GRM7: variants seen among roughly 807,000 people sequenced by gnomAD.
GRM7 encodes the protein metabotropic glutamate receptor 7.
Under a neutral mutation model 84.5 loss-of-function variants are expected in GRM7, and 35 were observed. The observed-to-expected ratio is 0.41, with a 90% CI of 0.32 to 0.55. GRM7 has a LOEUF of 0.55. Ranked by LOEUF, GRM7 falls within the 20% of genes least tolerant of loss-of-function variation. The pLI, the probability that GRM7 is intolerant of heterozygous loss-of-function variation, is 0.19. For synonymous variants in GRM7, 487 were observed against 455.1 expected, an observed-to-expected ratio of 1.07 and a Z score of -0.89; for missense variants, 1,003 against 1,194.6, an observed-to-expected ratio of 0.84 and a Z score of 2.36.
chr3:7,669,498 T>C (rs142237533), intron 8 of GRM7, among the ~76,000 whole-genome samples: 33 of 152,248 alleles, frequency 2.2e-4, no homozygotes, highest in African/African-American at 7.5e-4. Context: ...ATTATCTTCA[T>C]CCAAAGTGTG....
intron 2 of GRM7, among the ~76,000 whole-genome samples, chr3:7,260,249 GTTGATAGTTTATT>G (rs1294402291): frequency 3.3e-5 from 5 of 151,888 alleles, no homozygotes; most frequent in African/African-American, 1.2e-4. Context: ...TGTTTACTCT[GTTGATAGTTTATT>G]TTGCTGTGTA....
intron 4 of GRM7, among the ~76,000 whole-genome samples, chr3:7,379,419 C>T (rs1694495603): frequency 6.6e-6 from 1 of 152,104 alleles, no homozygotes. Context: ...CAAGCGACAT[C>T]ATAACCACCT....
At chr3:7,693,685 T>A in intron 9 of GRM7, 1 of 1,522,222 alleles carries the variant, frequency 6.6e-7, no homozygotes. Flanking sequence ...GTCAAGCGAT[T>A]GTCTGAGGCA....
chr3:6,872,823 A>G (rs1361197564), intron 1 of GRM7, among the ~76,000 whole-genome samples: 2 of 152,158 alleles, frequency 1.3e-5, no homozygotes, highest in Non-Finnish European at 2.9e-5. Context: ...ATAGTATTCC[A>G]TAGTGTATAT....
At chr3:7,431,276 C>G (rs1278193237) in intron 5 of GRM7, among the ~76,000 whole-genome samples, 1 of 152,094 alleles carries the variant, frequency 6.6e-6, no homozygotes, top group East Asian at 1.9e-4. Context: ...GAATAAATCT[C>G]AAAAATTTTT....
chr3:7,224,445 T>G (rs905573529), intron 2 of GRM7, among the ~76,000 whole-genome samples: 1 of 152,164 alleles, frequency 6.6e-6, no homozygotes, highest in East Asian at 1.9e-4. Context: ...GGGATTACAG[T>G]TGAACATGAG....
At chr3:7,376,363 TCTC>T (rs1402113627) in intron 4 of GRM7, among the ~76,000 whole-genome samples, 2 of 152,152 alleles carry the variant, frequency 1.3e-5, no homozygotes, top group African/African-American at 4.8e-5. Flanking sequence ...ACCGAGCTGT[TCTC>T]CTCGTGAATG....
chr3:7,181,572 T>C (rs1695337965), intron 2 of GRM7, among the ~76,000 whole-genome samples: 1 of 152,170 alleles, frequency 6.6e-6, no homozygotes, highest in African/African-American at 2.4e-5. Flanking sequence ...CAAAATAATA[T>C]TTTAGAAACA....
intron 1 of GRM7, among the ~76,000 whole-genome samples, chr3:7,033,147 T>C (rs950034968): frequency 2.0e-5 from 3 of 152,186 alleles, no homozygotes; most frequent in Admixed American, 1.3e-4. Context: ...CAATTTCTGC[T>C]TCTGTCTTCA....
rs1051383229 is a variant in GRM7, at chr3:7,497,173, G to C, written c.1515+35451G>C. 4.6e-5 allele frequency among the ~76,000 whole-genome samples: 7 copies of C among 151,994 alleles called. No homozygotes were observed. The East Asian group carries it at 9.7e-4, about 21-fold the overall frequency. ...GAAGTGGCCATCATGATTAGGGCCAGGCTTTGGAAGTCTGAGAGCCCTGGA... is the reference window on the plus strand; with the variant it reads ...GAAGTGGCCATCATGATTAGGGCCACGCTTTGGAAGTCTGAGAGCCCTGGA... On this transcript the variant is annotated intron_variant, in intron 7 of 9. Transcript: ENST00000357716.
intron 5 of GRM7, among the ~76,000 whole-genome samples, chr3:7,444,869 G>A (rs3804972): frequency 0.35 from 52,659 of 152,056 alleles, 10,570 homozygotes; most frequent in Non-Finnish European, 0.47. Flanking sequence ...GTTTTGGCTA[G>A]ACAGTTTTTC....
chr3:7,685,576 A>G (rs1007785700), intron 9 of GRM7, among the ~76,000 whole-genome samples: 1 of 152,278 alleles, frequency 6.6e-6, no homozygotes, highest in South Asian at 2.1e-4. Context: ...AAGCCAATTA[A>G]CACATTGTAT....
chr3:7,632,853 T>G (rs982004594), intron 8 of GRM7, among the ~76,000 whole-genome samples: 1 of 152,208 alleles, frequency 6.6e-6, no homozygotes, highest in Admixed American at 6.5e-5. Flanking sequence ...AAAAAAAGAT[T>G]TCAGTGCATC....
intron 1 of GRM7, among the ~76,000 whole-genome samples, chr3:6,930,081 A>G (rs1345746850): frequency 6.6e-6 from 1 of 152,198 alleles, no homozygotes; most frequent in Admixed American, 6.5e-5. Flanking sequence ...GGAGTGAGAC[A>G]GACTGTGTGG....
At chr3:7,455,690 C>G (rs780104298) in intron 6 of GRM7, among the ~76,000 whole-genome samples, 2 of 152,066 alleles carry the variant, frequency 1.3e-5, no homozygotes, top group Non-Finnish European at 2.9e-5. Flanking sequence ...CTGTTTCTGA[C>G]TCAAAGAGAC....
chr3:7,241,210 A>G (rs1227816926), intron 2 of GRM7, among the ~76,000 whole-genome samples: 1 of 152,170 alleles, frequency 6.6e-6, no homozygotes, highest in African/African-American at 2.4e-5. Context: ...TGGATAGAAC[A>G]TAACTTCCTT....
chr3:7,466,528 T>C (rs35545833), intron 7 of GRM7, among the ~76,000 whole-genome samples: 1 of 152,158 alleles, frequency 6.6e-6, no homozygotes, highest in Admixed American at 6.5e-5. Context: ...ATATTATGTG[T>C]GATAGAAACC....
intron 7 of GRM7, among the ~76,000 whole-genome samples, chr3:7,540,565 G>T (rs550583168): frequency 7.2e-5 from 11 of 152,268 alleles, no homozygotes; most frequent in Admixed American, 5.2e-4. Flanking sequence ...CAGGACTAAG[G>T]TGAAATGAGA....
In GRM7 at chr3:6,876,599, A is replaced by ATTTT. The variant is rs34723690; in HGVS notation, c.519+14709_519+14712dup. ...GATAAGTCAGAGGTTTTTACCACTA[A>ATTTT]TTTTTTTTTTTTTTTTTTTTGAGAA... On this transcript the variant is annotated intron_variant, in intron 1 of 9. Coordinates refer to ENST00000357716, the MANE Select transcript of GRM7 (RefSeq NM_000844.4). Among the ~76,000 whole-genome samples, 76 of 124,108 alleles carry ATTTT rather than the reference A, an allele frequency of 6.1e-4. 1 individual carries two copies. Among genetic ancestry groups the ATTTT allele is most frequent in the African/African-American group, 7.8e-4 (25 of 32,160 alleles). 81.4% of individuals were successfully genotyped at this position (124,108 alleles called of 152,430 possible).
Sources: gnomAD v4.1 joint callset for allele counts (sites outside exome capture counted in the v4.1 genomes callset) on GRCh38, gnomAD v4.1.1 for gene constraint, MANE v1.5 for transcripts, NCBI Gene and HGNC (gene_info 2026-07-23, HGNC 2026-07-21) for gene names.